The following MRM1 variants were observed in gnomAD, a reference collection of about 807,000 sequenced individuals.
The protein encoded by MRM1 is mitochondrial rRNA methyltransferase 1.
Under a neutral mutation model 25.0 loss-of-function variants are expected in MRM1, and 24 were observed. The observed-to-expected ratio is 0.96, with a 90% CI of 0.69 to 1.35. MRM1 has a LOEUF of 1.35. Ranked by LOEUF, MRM1 falls within the 40% of genes most tolerant of loss-of-function variation. The probability of loss-of-function intolerance (pLI) is 0.00; values close to 1 mark genes in which losing one functional copy is unlikely to be tolerated. For missense variants in MRM1, 431 were observed against 464.1 expected, an observed-to-expected ratio of 0.93 and a Z score of 0.65; for synonymous variants, 188 against 199.2, an observed-to-expected ratio of 0.94 and a Z score of 0.47.
the MRM1 span, among the ~76,000 whole-genome samples, chr17:36,614,338 G>A: frequency 6.6e-6 from 1 of 152,024 alleles, no homozygotes; most frequent in Non-Finnish European, 1.5e-5. Context: ...AAGTTCTAAC[G>A]GCCTCCTACC....
intron 4 of MRM1, 71 bp downstream of exon 4, chr17:36,608,089 C>A: frequency 6.4e-7 from 1 of 1,566,812 alleles, no homozygotes; most frequent in Middle Eastern, 1.7e-4. Context: ...CCCTCTAATC[C>A]CATTTGCTGG....
chr17:36,613,180 A>G (rs2074986861), downstream of MRM1, among the ~76,000 whole-genome samples: 1 of 152,052 alleles, frequency 6.6e-6, no homozygotes, highest in Non-Finnish European at 1.5e-5. Flanking sequence ...TTTTGGCAGG[A>G]GGCTAAATTG....
At chr17:36,610,081 C>T (rs562079027), downstream of MRM1, among the ~76,000 whole-genome samples, 10 of 151,394 alleles carry the variant, frequency 6.6e-5, no homozygotes, top group African/African-American at 1.9e-4. Context: ...GTGCACCACG[C>T]GCAGCTAATT....
chr17:36,617,968 G>A, the MRM1 span, among the ~76,000 whole-genome samples: 3 of 152,172 alleles, frequency 2.0e-5, no homozygotes, highest in African/African-American at 4.8e-5. Context: ...GATAGCAGCC[G>A]CTGGTTATCG....
At chr17:36,627,437 G>A in the MRM1 span, among the ~76,000 whole-genome samples, 2 of 152,124 alleles carry the variant, frequency 1.3e-5, no homozygotes, top group Admixed American at 6.5e-5. Flanking sequence ...TCCCCATCCC[G>A]CTTTGCCTGT....
chr17:36,634,209 G>A, the MRM1 span: 1 of 152,180 alleles, frequency 6.6e-6, no homozygotes, highest in Non-Finnish European at 1.5e-5. Context: ...ACTCCAAAAA[G>A]GAGCGAAAGA....
At chr17:36,634,096 GCCAGCCT>G in the MRM1 span, 1 of 152,364 alleles carries the variant, frequency 6.6e-6, no homozygotes, top group South Asian at 2.1e-4. Context: ...CTAGAGCCCA[GCCAGCCT>G]CCATGGGCCA....
chr17:36,631,360 T>A, the MRM1 span, among the ~76,000 whole-genome samples: 1 of 152,256 alleles, frequency 6.6e-6, no homozygotes, highest in East Asian at 1.9e-4. Context: ...TTAAATGATT[T>A]GGGGTACACA....
chr17:36,620,661 G>A, the MRM1 span, among the ~76,000 whole-genome samples: 1 of 152,214 alleles, frequency 6.6e-6, no homozygotes, highest in African/African-American at 2.4e-5. Context: ...TCCCTTCTAT[G>A]ATTCCATAAG....
chr17:36,616,147 T>C, the MRM1 span, among the ~76,000 whole-genome samples: 1 of 152,190 alleles, frequency 6.6e-6, no homozygotes, highest in South Asian at 2.1e-4. Flanking sequence ...GATTTTGTAT[T>C]CCCAGGTCCC....
At chr17:36,618,638 C>T in the MRM1 span, among the ~76,000 whole-genome samples, 1 of 152,126 alleles carries the variant, frequency 6.6e-6, no homozygotes, top group Non-Finnish European at 1.5e-5. Flanking sequence ...GAAATAGAGG[C>T]TGGGTGCCAC....
rs1360186545 is a variant in MRM1 at position 36,601,991 on chromosome 17, G to T, written c.181G>T (p.Ala61Ser). ...LLFGMTPCLL[A>S]LQAARRSVAR... ...GTTTGGCATGACCCCGTGTCTCCTGGCTCTGCAGGCCGCCCGCCGCTCTGT... is the reference window on the plus strand; with the variant it reads ...GTTTGGCATGACCCCGTGTCTCCTGTCTCTGCAGGCCGCCCGCCGCTCTGT... The change falls in exon 1 of 5, where the codon GCT (alanine) becomes TCT (serine). Residue 61 changes from alanine to serine, a missense_variant. Coordinates refer to ENST00000614766, the MANE Select transcript of MRM1 (RefSeq NM_024864.5). The T allele has an allele frequency of 6.2e-7, 1 of 1,610,770 alleles. No individual in the cohort carries two copies. Among genetic ancestry groups the T allele is most frequent in the African/African-American group, 1.3e-5 (1 of 74,920 alleles).
At chr17:36,612,721 C>T (rs930567069), downstream of MRM1, among the ~76,000 whole-genome samples, 2 of 152,186 alleles carry the variant, frequency 1.3e-5, no homozygotes, top group African/African-American at 4.8e-5. Context: ...CCTTAAATTC[C>T]AAGCCTCAGT....
downstream of MRM1, among the ~76,000 whole-genome samples, chr17:36,609,390 A>G (rs2074960231): frequency 6.6e-6 from 1 of 152,254 alleles, no homozygotes; most frequent in East Asian, 1.9e-4. Flanking sequence ...AAGCGCCACC[A>G]TTGGTCTAAT....
the MRM1 span, among the ~76,000 whole-genome samples, chr17:36,623,708 C>T: frequency 6.6e-6 from 1 of 152,320 alleles, no homozygotes; most frequent in South Asian, 2.1e-4. Context: ...GCTCAGGCAT[C>T]CTGGGGGCTC....
the MRM1 span, among the ~76,000 whole-genome samples, chr17:36,617,416 G>A: frequency 5.0e-5 from 7 of 141,404 alleles, no homozygotes; most frequent in Middle Eastern, 7.6e-3. Context: ...TTTTTGAGAC[G>A]GAATCTCGCT....
chr17:36,608,334 A>C lies in MRM1; in HGVS notation c.981A>C (p.Ser327=), dbSNP rs764954777. 3 of 1,611,532 alleles carry C rather than the reference A, an allele frequency of 1.9e-6. No individual in the cohort carries two copies. Among genetic ancestry groups the C allele is most frequent in the Non-Finnish European group, 2.5e-6 (3 of 1,178,914 alleles). The change falls in exon 5 of 5, where the codon TCA becomes TCC. Residue 327 remains serine (S), a synonymous_variant. Transcript: ENST00000614766. ...TTCTCCAAGACCCCCAAGAACCCTC[A>C]GCCAGGTCTGAAGGGCTCAGCATGG... ...RQLLQDPQEP[S]ARSEGLSMAQ...
chr17:36,615,651 C>G, the MRM1 span, among the ~76,000 whole-genome samples: 31 of 142,364 alleles, frequency 2.2e-4, no homozygotes, highest in African/African-American at 5.8e-4. Context: ...AAGAGCAAAA[C>G]TCCGTCTCAA....
chr17:36,607,790 C>G lies in MRM1; in HGVS notation c.757C>G (p.Leu253Val). 2 of 1,614,142 alleles carry G rather than the reference C, an allele frequency of 1.2e-6. No homozygotes were observed. The highest frequency in any genetic ancestry group is 1.7e-6 in the Non-Finnish European group (2 of 1,180,028). The change falls in exon 3 of 5, where the codon CTC (leucine) becomes GTC (valine). Residue 253 changes from leucine to valine, a missense_variant. Physicochemically the swap from Leu to Val is conservative, Grantham distance 32 (BLOSUM62 1). Transcript: ENST00000614766. ...GGAGTTCCTCTGGGAACGGCCTACTCTCCTTGTGCTGGGTAGGTGGATGTC... is the reference window on the plus strand; with the variant it reads ...GGAGTTCCTCTGGGAACGGCCTACTGTCCTTGTGCTGGGTAGGTGGATGTC... ...CLEFLWERPT[L>V]LVLGNEGSGL...
Sources: gnomAD v4.1 joint callset for allele counts (sites outside exome capture counted in the v4.1 genomes callset) on GRCh38, gnomAD v4.1.1 for gene constraint, MANE v1.5 for transcripts, NCBI Gene and HGNC (gene_info 2026-07-23, HGNC 2026-07-21) for gene names.